NTM: variants seen among roughly 807,000 people sequenced by gnomAD.
The protein encoded by NTM is neurotrimin.
In NTM, 13 loss-of-function variants were observed where a neutral mutation model predicts 42.1. The observed-to-expected ratio is 0.31, with a 90% confidence interval of 0.20 to 0.49. NTM has a LOEUF of 0.49. Ranked by LOEUF, NTM falls within the 20% of genes least tolerant of loss-of-function variation. The pLI, the probability that NTM is intolerant of heterozygous loss-of-function variation, is 0.99. For synonymous variants in NTM, 187 were observed against 179.2 expected, an observed-to-expected ratio of 1.04 and a Z score of -0.35; for missense variants, 373 against 452.8, an observed-to-expected ratio of 0.82 and a Z score of 1.60.
chr11:131,841,787 G>A (rs1020828365), intron 1 of NTM, among the ~76,000 whole-genome samples: 1 of 152,132 alleles, frequency 6.6e-6, no homozygotes, highest in African/African-American at 2.4e-5. Flanking sequence ...GGGTCAGCGT[G>A]GGAAGTAGAG....
chr11:131,423,429 C>T (rs1947735943), intron 1 of NTM, among the ~76,000 whole-genome samples: 1 of 152,194 alleles, frequency 6.6e-6, no homozygotes. Flanking sequence ...CAAACATCTG[C>T]ATTCTCTAAG....
chr11:131,437,416 T>G (rs1442025222), intron 1 of NTM, among the ~76,000 whole-genome samples: 1 of 152,140 alleles, frequency 6.6e-6, no homozygotes, highest in Non-Finnish European at 1.5e-5. Context: ...TGTGTGGGAG[T>G]CTAAGTCTCT....
chr11:131,819,636 A>T (rs1458954210), intron 1 of NTM, among the ~76,000 whole-genome samples: 1 of 152,132 alleles, frequency 6.6e-6, no homozygotes, highest in Non-Finnish European at 1.5e-5. Flanking sequence ...TCACTAATAA[A>T]CAGCACTAGC....
At chr11:132,317,657 C>A in intron 7 of NTM, 2 of 1,303,324 alleles carry the variant, frequency 1.5e-6, no homozygotes, top group Non-Finnish European at 1.0e-6. Context: ...CGATTTAGAA[C>A]TAAATGAGCC....
rs965412920 is a variant in NTM, at chr11:131,789,632, A to G, written c.83-121932A>G. Among the ~76,000 whole-genome samples, 266 of 90,478 alleles carry G rather than the reference A, an allele frequency of 2.9e-3. 28 individuals are homozygous for G. Among genetic ancestry groups the G allele is most frequent in the Non-Finnish European group, 5.0e-3 (213 of 42,638 alleles). The allele number at this position is 90,478 out of a possible 152,430, so 59.4% of individuals were successfully genotyped here. On this transcript the variant is annotated intron_variant, in intron 1 of 8. Coordinates refer to ENST00000683400, the MANE Select transcript of NTM (RefSeq NM_001352005.2). ...GAAGAAGAAGAAGAAGAAGAAGAAG[A>G]AGAAAAGAAGAAGAAGAAGAAGAAG...
chr11:131,962,590 C>T (rs930684119), intron 2 of NTM, among the ~76,000 whole-genome samples: 1 of 152,222 alleles, frequency 6.6e-6, no homozygotes, highest in African/African-American at 2.4e-5. Context: ...TTGGACTTCC[C>T]AGCCTCAAAA....
chr11:132,175,129 T>G (rs1474818001), intron 3 of NTM, among the ~76,000 whole-genome samples: 2 of 152,144 alleles, frequency 1.3e-5, no homozygotes, highest in East Asian at 1.9e-4. Context: ...TACTAGAGAA[T>G]GATTTAGTGC....
intron 1 of NTM, among the ~76,000 whole-genome samples, chr11:131,827,810 A>T (rs2136493417): frequency 6.6e-6 from 1 of 152,306 alleles, no homozygotes; most frequent in South Asian, 2.1e-4. Context: ...TAACAAAATG[A>T]TCAAATTTTC....
chr11:131,867,449 ATGTGTG>A (rs888194387), intron 1 of NTM, among the ~76,000 whole-genome samples: 1 of 150,826 alleles, frequency 6.6e-6, no homozygotes, highest in African/African-American at 2.4e-5. Context: ...CCATATGTGT[ATGTGTG>A]TGTGTGTCTG....
intron 1 of NTM, among the ~76,000 whole-genome samples, chr11:131,900,000 T>C (rs550378961): frequency 4.6e-5 from 7 of 152,322 alleles, no homozygotes; most frequent in African/African-American, 1.4e-4. Flanking sequence ...TTCCAGGCAT[T>C]GTGTTAGGTT....
At chr11:131,660,426 G>A (rs755871835) in intron 1 of NTM, 4 of 456,502 alleles carry the variant, frequency 8.8e-6, no homozygotes, top group East Asian at 7.0e-5. Context: ...TCAGAGCAGA[G>A]TCATTTGAAA....
intron 2 of NTM, among the ~76,000 whole-genome samples, chr11:132,092,428 C>G (rs1270781574): frequency 6.6e-6 from 1 of 152,174 alleles, no homozygotes; most frequent in Non-Finnish European, 1.5e-5. Context: ...TGCACTTGAC[C>G]CACCTGACCT....
chr11:132,316,813 G>A (rs1231032202), intron 7 of NTM, among the ~76,000 whole-genome samples: 1 of 152,074 alleles, frequency 6.6e-6, no homozygotes, highest in East Asian at 1.9e-4. Flanking sequence ...GTTCATTATT[G>A]AGGCTCACCA....
chr11:132,119,166 A>G (rs1180346925), intron 2 of NTM, among the ~76,000 whole-genome samples: 1 of 152,170 alleles, frequency 6.6e-6, no homozygotes, highest in African/African-American at 2.4e-5. Context: ...TTATTCCCAG[A>G]GGCTGTAGCT....
chr11:131,831,588 G>T (rs2042827413), intron 1 of NTM, among the ~76,000 whole-genome samples: 1 of 152,132 alleles, frequency 6.6e-6, no homozygotes, highest in Non-Finnish European at 1.5e-5. Context: ...CAGTGTTCAT[G>T]CCACTGCTTA....
chr11:132,097,461 A>G (rs1464319381), intron 2 of NTM, among the ~76,000 whole-genome samples: 1 of 152,194 alleles, frequency 6.6e-6, no homozygotes, highest in African/African-American at 2.4e-5. Context: ...AAATCTCATC[A>G]GGGAATGTCA....
chr11:132,317,630 C>T lies in NTM; in HGVS notation c.934+2927C>T, dbSNP rs1452643900. On this transcript the variant is annotated intron_variant, in intron 7 of 8. Coordinates refer to ENST00000683400, the MANE Select transcript of NTM (RefSeq NM_001352005.2). ...TATGTGTTTGTTCTCATTTTTCTCT[C>T]CTGTGTGTCCCTCAACCGATTTAGA... The T allele has an allele frequency of 2.3e-6, 3 of 1,294,776 alleles. No homozygotes were observed. The Admixed American group carries it at 6.9e-5, about 30-fold the overall frequency. The allele number at this position is 1,294,776 out of a possible 1,614,324, so 80.2% of individuals were successfully genotyped here.
intron 4 of NTM, among the ~76,000 whole-genome samples, chr11:132,280,005 G>A (rs977926958): frequency 2.0e-5 from 3 of 152,188 alleles, no homozygotes; most frequent in Non-Finnish European, 4.4e-5. Flanking sequence ...GACCGCCATG[G>A]TAAACAGGAC....
chr11:131,711,786 G>T (rs1323228640), intron 1 of NTM, among the ~76,000 whole-genome samples: 1 of 151,922 alleles, frequency 6.6e-6, no homozygotes, highest in Non-Finnish European at 1.5e-5. Context: ...ATCCACCATG[G>T]AATACTATGC....
Sources: gnomAD v4.1 joint callset for allele counts (sites outside exome capture counted in the v4.1 genomes callset) on GRCh38, gnomAD v4.1.1 for gene constraint, MANE v1.5 for transcripts, NCBI Gene and HGNC (gene_info 2026-07-23, HGNC 2026-07-21) for gene names.